The following DOCK1 variants were observed in gnomAD, a reference collection of about 807,000 sequenced individuals.
DOCK1 encodes dedicator of cytokinesis protein 1.
A neutral mutation model predicts 262.7 loss-of-function variants in DOCK1; 138 were observed. That is an observed-to-expected ratio of 0.53 (90% CI 0.46 to 0.61). The LOEUF is 0.61. DOCK1 is among the 20% of genes least tolerant of loss of function. The probability of loss-of-function intolerance (pLI) is 0.00; values close to 1 mark genes in which losing one functional copy is unlikely to be tolerated. For missense variants in DOCK1, 1,908 were observed against 2,370.7 expected, an observed-to-expected ratio of 0.80 and a Z score of 4.05; for synonymous variants, 866 against 867.4, an observed-to-expected ratio of 1.00 and a Z score of 0.03.
At chr10:126,963,393 T>A (rs1035894299) in intron 1 of DOCK1, among the ~76,000 whole-genome samples, 10 of 152,198 alleles carry the variant, frequency 6.6e-5, no homozygotes, top group Non-Finnish European at 1.3e-4. Context: ...TTAGTTTTAG[T>A]TTACAAGTCT....
Position 126,928,884 on chromosome 10 carries a change from C to T in DOCK1, c.46+23321C>T, listed in dbSNP as rs1433542866. 2.0e-5 allele frequency among the ~76,000 whole-genome samples: 3 copies of T among 152,356 alleles called. No individual in the cohort carries two copies. The South Asian group carries it at 6.2e-4, about 32-fold the overall frequency. On this transcript the variant is annotated intron_variant, in intron 1 of 51. Transcript: ENST00000623213. ...ACAATCACCCCATAGCCACTGTTGG[C>T]GTGAGCCAGGAGGCTTGATCTGTTG...
intron 18 of DOCK1, among the ~76,000 whole-genome samples, chr10:127,035,325 A>G (rs1038424201): frequency 2.0e-4 from 30 of 152,192 alleles, no homozygotes; most frequent in Non-Finnish European, 4.0e-4. Flanking sequence ...TGTGGGGGAT[A>G]TGAAAGAAGT....
chr10:127,408,829 C>T (rs2067673412), intron 40 of DOCK1, among the ~76,000 whole-genome samples: 1 of 152,090 alleles, frequency 6.6e-6, no homozygotes, highest in Admixed American at 6.5e-5. Context: ...GCTTCTTAAA[C>T]AGTATTAACT....
chr10:127,363,244 C>A (rs183464397), intron 33 of DOCK1, among the ~76,000 whole-genome samples: 3 of 152,106 alleles, frequency 2.0e-5, no homozygotes, highest in Admixed American at 2.0e-4. Flanking sequence ...ATGTGGTTGC[C>A]CACGCCTGTA....
intron 1 of DOCK1, among the ~76,000 whole-genome samples, chr10:126,969,108 T>G (rs2037896209): frequency 1.3e-5 from 2 of 152,154 alleles, no homozygotes; most frequent in South Asian, 2.1e-4. Context: ...GTTACCTGAG[T>G]GTTCACCATG....
chr10:127,363,001 ACACG>A (rs2064659264), intron 33 of DOCK1, among the ~76,000 whole-genome samples: 7 of 142,218 alleles, frequency 4.9e-5, no homozygotes, highest in South Asian at 2.3e-4. Flanking sequence ...CCCCACACAC[ACACG>A]CACATCCCCA....
chr10:127,215,977 C>T (rs1406293751), intron 27 of DOCK1, among the ~76,000 whole-genome samples: 1 of 152,144 alleles, frequency 6.6e-6, no homozygotes, highest in Non-Finnish European at 1.5e-5. Flanking sequence ...TTTGTGTTTG[C>T]ATTGCTGGAT....
chr10:127,292,241 C>T (rs950763231), intron 29 of DOCK1, among the ~76,000 whole-genome samples: 1 of 152,096 alleles, frequency 6.6e-6, no homozygotes, highest in Admixed American at 6.5e-5. Context: ...GGGGGGCCCA[C>T]TTCTATCTGA....
intron 23 of DOCK1, among the ~76,000 whole-genome samples, chr10:127,083,849 A>C (rs2047049218): frequency 6.6e-6 from 1 of 152,210 alleles, no homozygotes; most frequent in Admixed American, 6.5e-5. Context: ...ATTACAGGCA[A>C]CCACTCTACC....
chr10:127,013,020 G>A (rs533793238), intron 12 of DOCK1, among the ~76,000 whole-genome samples: 279 of 152,332 alleles, frequency 1.8e-3, no homozygotes, highest in African/African-American at 6.4e-3. Flanking sequence ...GCCCGTAAAC[G>A]CGGTAGAGCT....
chr10:127,062,223 G>A (rs952511605), intron 23 of DOCK1, among the ~76,000 whole-genome samples: 6 of 152,162 alleles, frequency 3.9e-5, no homozygotes, highest in African/African-American at 1.4e-4. Flanking sequence ...ATAGGCGTGA[G>A]CCACTGTGCC....
intron 29 of DOCK1, among the ~76,000 whole-genome samples, chr10:127,295,354 A>AACCAG (rs978352469): frequency 6.6e-6 from 1 of 152,074 alleles, no homozygotes; most frequent in African/African-American, 2.4e-5. Context: ...TGAACTATCA[A>AACCAG]ACCAGACCTC....
intron 19 of DOCK1, among the ~76,000 whole-genome samples, chr10:127,039,681 G>C (rs2043888898): frequency 6.6e-6 from 1 of 152,126 alleles, no homozygotes; most frequent in African/African-American, 2.4e-5. Context: ...GGCCAGCCAG[G>C]ACTTGAGGAA....
rs767609347 is a variant in DOCK1 at position 127,176,237 on chromosome 10, G to C, written c.2847+48473G>C. 1 of 1,614,052 alleles carries C rather than the reference G, an allele frequency of 6.2e-7. No homozygotes were observed. Among genetic ancestry groups the C allele is most frequent in the Admixed American group, 1.7e-5 (1 of 60,020 alleles). On this transcript the variant is annotated intron_variant, in intron 27 of 51. Coordinates refer to ENST00000623213, the MANE Select transcript of DOCK1 (RefSeq NM_001290223.2). The surrounding 1 kb of genome is among the most constrained non-coding windows in gnomAD (Gnocchi z 4.4). Reference sequence around the variant, plus strand: ...TGTCCCTCTGCTCATTCTGTGCCTCGCAGATATCCTTAAACCGCACCTGCA... The same window carrying C: ...TGTCCCTCTGCTCATTCTGTGCCTCCCAGATATCCTTAAACCGCACCTGCA...
chr10:127,356,849 A>C (rs1202615828), intron 32 of DOCK1, among the ~76,000 whole-genome samples: 1 of 151,818 alleles, frequency 6.6e-6, no homozygotes, highest in East Asian at 1.9e-4. Flanking sequence ...GAGTGAGTCC[A>C]TTTTCTTCTG....
chr10:127,083,549 G>A (rs1284465039), intron 23 of DOCK1, among the ~76,000 whole-genome samples: 2 of 152,308 alleles, frequency 1.3e-5, no homozygotes, highest in East Asian at 3.9e-4. Context: ...GCTTCCTGTT[G>A]ATAGATAATA....
intron 29 of DOCK1, among the ~76,000 whole-genome samples, chr10:127,260,664 C>T (rs1402510763): frequency 7.7e-6 from 1 of 130,118 alleles, no homozygotes; most frequent in Non-Finnish European, 1.6e-5. Context: ...TGTGTGTGTC[C>T]CTGCATGTGT....
At chr10:127,385,773 T>C (rs2066078778) in intron 38 of DOCK1, among the ~76,000 whole-genome samples, 1 of 152,212 alleles carries the variant, frequency 6.6e-6, no homozygotes, top group Non-Finnish European at 1.5e-5. Flanking sequence ...GGTGTGTTGC[T>C]GGCGGTCTCT....
chr10:126,962,442 A>G (rs1392952775), intron 1 of DOCK1, among the ~76,000 whole-genome samples: 2 of 151,930 alleles, frequency 1.3e-5, no homozygotes, highest in East Asian at 3.9e-4. Flanking sequence ...TACAGGTATG[A>G]ACCACTGCAC....
Sources: gnomAD v4.1 joint callset for allele counts (sites outside exome capture counted in the v4.1 genomes callset) on GRCh38, gnomAD v4.1.1 for gene constraint, Gnocchi (gnomAD v3.1) non-coding constraint, MANE v1.5 for transcripts, NCBI Gene and HGNC (gene_info 2026-07-23, HGNC 2026-07-21) for gene names.